SLC36A3: variants seen among roughly 807,000 people sequenced by gnomAD.
SLC36A3 encodes proton-coupled amino acid transporter 3.
SLC36A3 carries 35 observed loss-of-function variants against 44.3 expected under a neutral mutation model. The observed-to-expected ratio is 0.79, with a 90% CI of 0.60 to 1.05. SLC36A3 has a LOEUF of 1.05. SLC36A3 is among the 50% of genes least tolerant of loss of function. The pLI, the probability that SLC36A3 is intolerant of heterozygous loss-of-function variation, is 0.00. For missense variants in SLC36A3, 540 were observed against 578.7 expected (o/e 0.93, Z 0.69); for synonymous variants, 211 against 227.6 (o/e 0.93, Z 0.66).
At chr5:151,296,329 C>T (rs1308398206) in intron 2 of SLC36A3, 61 bp from the exon 3 acceptor site, 4 of 1,425,434 alleles carry the variant, frequency 2.8e-6, no homozygotes, top group Non-Finnish European at 3.9e-6. Context: ...TTCCCTGGCC[C>T]TCTCACAGTC....
chr5:151,296,240 C>T lies in SLC36A3; in HGVS notation c.248G>A (p.Gly83Glu), dbSNP rs72794183. ...GACCATGCAGTGCACGGTGAGGACCCCGATGGCCAGAAGGCTGACAGGACC... is the reference window on the plus strand; with the variant it reads ...GACCATGCAGTGCACGGTGAGGACCTCGATGGCCAGAAGGCTGACAGGACC... The part of the protein sequence containing the change: ...LVGPVSLLAI[G>E]VLTVHCMVIL... The change falls in exon 3 of 10, where the codon GGG (glycine) becomes GAG (glutamate). Residue 83 changes from glycine (G) to glutamate (E), a missense_variant. By Grantham distance (98) the Gly-to-Glu change is moderately conservative (BLOSUM62 -2). Coordinates refer to ENST00000335230, the MANE Select transcript of SLC36A3 (RefSeq NM_181774.4). 11,646 of 1,614,084 alleles carry T rather than the reference C, an allele frequency of 7.2e-3. 66 individuals carry two copies. Among genetic ancestry groups the T allele is most frequent in the Non-Finnish European group, 9.2e-3 (10,892 of 1,180,002 alleles).
chr5:151,296,224 G>C lies in SLC36A3; in HGVS notation c.264C>G (p.His88Gln). Residue 88 changes from histidine to glutamine, a missense_variant, in exon 3 of 10, where the codon CAC (histidine) becomes CAG (glutamine). Physicochemically the swap from His to Gln is conservative, Grantham distance 24 (BLOSUM62 0). Transcript: ENST00000335230. ...CACAGTTCAACAGGATGACCATGCA[G>C]TGCACGGTGAGGACCCCGATGGCCA... is the stretch of plus-strand genomic sequence containing the variant. ...SLLAIGVLTV[H>Q]CMVILLNCAQ... is the part of the protein sequence containing the mutation. 2 of 1,614,200 alleles carry C rather than the reference G, an allele frequency of 1.2e-6. No individual in the cohort carries two copies. Among genetic ancestry groups the C allele is most frequent in the Non-Finnish European group, 1.7e-6 (2 of 1,180,028 alleles).
In SLC36A3 at chr5:151,287,409, G is replaced by A. The variant is rs765169229; in HGVS notation, c.545C>T (p.Thr182Met). The change falls in exon 6 of 10, where the codon ACG becomes ATG. Residue 182 changes from threonine to methionine, a missense_variant. By Grantham distance (81) the Thr-to-Met change is moderately conservative. Coordinates refer to ENST00000335230, the MANE Select transcript of SLC36A3 (RefSeq NM_181774.4). ...SNICQPREIL[T>M]LTPILDIRFY... The stretch of plus-strand genomic sequence containing the variant: ...ACGAATGTCCAGGATGGGGGTCAGC[G>A]TCAGAATCTCCCTGGGCTGGCAGAT... 35 of 1,613,908 alleles carry A rather than the reference G, an allele frequency of 2.2e-5. No homozygotes were observed. The highest frequency in any genetic ancestry group is 1.6e-4 in the Middle Eastern group (1 of 6,082).
At position 151,287,288 on chromosome 5, in the gene SLC36A3, G is replaced by T; in HGVS notation, c.666C>A (p.Thr222=). The change falls in exon 6 of 10, where the codon ACC becomes ACA. Residue 222 remains threonine (T), a synonymous_variant. Coordinates refer to ENST00000335230, the MANE Select transcript of SLC36A3 (RefSeq NM_181774.4). ...AGATCAGAGCCATGCTCCCAAGGGT[G>T]GTGATGTTGGCCAATGTCGAGAAGA... ...LSVFSTLANI[T]TLGSMALIFE... The T allele has an allele frequency of 6.2e-7, 1 of 1,614,168 alleles. No homozygotes were observed. The highest frequency in any genetic ancestry group is 8.5e-7 in the Non-Finnish European group (1 of 1,180,034).
chr5:151,292,891 G>A (rs1323745415), intron 4 of SLC36A3, among the ~76,000 whole-genome samples: 2 of 152,202 alleles, frequency 1.3e-5, no homozygotes, highest in African/African-American at 2.4e-5. Flanking sequence ...GGCTGAGGAA[G>A]GAGAGCTGCT....
At chr5:151,286,226 C>T (rs1276029822) in intron 6 of SLC36A3, among the ~76,000 whole-genome samples, 10 of 152,180 alleles carry the variant, frequency 6.6e-5, no homozygotes, top group Non-Finnish European at 1.2e-4. Flanking sequence ...GTTCCAGGAC[C>T]TCCCGTGGAT....
chr5:151,282,216 A>G (rs1472401349), intron 8 of SLC36A3, among the ~76,000 whole-genome samples: 1 of 146,912 alleles, frequency 6.8e-6, no homozygotes, highest in Non-Finnish European at 1.5e-5. Flanking sequence ...AAGGCTGAGA[A>G]GCGATGCAAC....
rs1193464374 is a variant in SLC36A3, at chr5:151,276,749, A to C, written c.*644T>G. On this transcript the variant is annotated 3_prime_UTR_variant, in exon 10 of 10. Transcript: ENST00000335230. ...ACTCCACCTCCTCACCAACACTAGC[A>C]TGGCCAGTTTTTGTGGTTGGTGGAT... 1 of 152,520 alleles carries C rather than the reference A, an allele frequency of 6.6e-6. No individual in the cohort carries two copies. The highest frequency in any genetic ancestry group is 2.1e-4 in the South Asian group (1 of 4,840). The allele number at this position is 152,520 out of a possible 1,614,324, so 9.4% of individuals were successfully genotyped here.
At chr5:151,288,153 A>G (rs1046494787) in intron 5 of SLC36A3, among the ~76,000 whole-genome samples, 2 of 152,216 alleles carry the variant, frequency 1.3e-5, no homozygotes, top group African/African-American at 2.4e-5. Context: ...CTGACTGGAC[A>G]TGATTGCAGG....
intron 4 of SLC36A3, among the ~76,000 whole-genome samples, chr5:151,290,910 G>A (rs1347512440): frequency 6.6e-6 from 1 of 151,814 alleles, no homozygotes; most frequent in African/African-American, 2.4e-5. Context: ...AATTCAGTAT[G>A]TAGCTGTAAT....
intron 3 of SLC36A3, 117 bp downstream of exon 3, chr5:151,296,063 T>C (rs1201091744): frequency 1.1e-5 from 10 of 894,020 alleles, no homozygotes; most frequent in African/African-American, 1.7e-5. Flanking sequence ...AGAATCCAGA[T>C]TGGTAGGAAG....
chr5:151,287,715 A>C (rs571207645), intron 5 of SLC36A3, among the ~76,000 whole-genome samples: 1 of 152,188 alleles, frequency 6.6e-6, no homozygotes. Flanking sequence ...AAACCCTTAG[A>C]ATCATAAAAT....
At chr5:151,298,317 G>A (rs1375953820) in intron 2 of SLC36A3, 3 of 331,938 alleles carry the variant, frequency 9.0e-6, no homozygotes, top group African/African-American at 3.3e-5. Flanking sequence ...GAAATGAGCT[G>A]CATGTGATCC....
Position 151,287,435 on chromosome 5 carries a change from G to T in SLC36A3, c.519C>A (p.Asn173Lys), listed in dbSNP as rs751201856. 4 of 1,614,080 alleles carry T rather than the reference G, an allele frequency of 2.5e-6. No individual in the cohort carries two copies. The African/African-American group carries it at 4.0e-5, about 16-fold the overall frequency. Residue 173 changes from asparagine (N) to lysine (K), a missense_variant, in exon 6 of 10, where the codon AAC (asparagine) becomes AAA (lysine). Transcript: ENST00000335230. The stretch of plus-strand genomic sequence containing the variant: ...TCAGAATCTCCCTGGGCTGGCAGAT[G>T]TTGGAGGTCACGTGGGCTTTTTCCA... ...QMVEKAHVTS[N>K]ICQPREILTL...
At chr5:151,302,997 G>T (rs1755216397) in intron 1 of SLC36A3, among the ~76,000 whole-genome samples, 1 of 152,194 alleles carries the variant, frequency 6.6e-6, no homozygotes, top group Admixed American at 6.5e-5. Flanking sequence ...AGCTGCTCAT[G>T]TTGAGGGTGG....
chr5:151,300,586 G>C (rs1244885618), intron 1 of SLC36A3, among the ~76,000 whole-genome samples: 2 of 151,900 alleles, frequency 1.3e-5, no homozygotes, highest in Non-Finnish European at 2.9e-5. Flanking sequence ...TGACAGCATC[G>C]ATGTCTTGCC....
intron 2 of SLC36A3, chr5:151,298,333 G>A (rs1254273191): frequency 2.4e-6 from 1 of 424,642 alleles, no homozygotes; most frequent in East Asian, 4.2e-5. Context: ...GATCCTAGGA[G>A]TGGGGAGGAC....
chr5:151,283,645 A>G (rs538593872), intron 8 of SLC36A3, among the ~76,000 whole-genome samples: 1 of 152,348 alleles, frequency 6.6e-6, no homozygotes, highest in South Asian at 2.1e-4. Flanking sequence ...ATGCACCATC[A>G]TCCTACTCAC....
chr5:151,290,314 T>G (rs533832762), intron 4 of SLC36A3, among the ~76,000 whole-genome samples: 15 of 152,334 alleles, frequency 9.8e-5, no homozygotes, highest in African/African-American at 3.1e-4. Flanking sequence ...GGTTCTCATA[T>G]CATCCTATTG....
Sources: allele counts gnomAD v4.1 joint callset (sites outside exome capture counted in the v4.1 genomes callset), GRCh38; gene constraint gnomAD v4.1.1; transcripts MANE v1.5; gene names NCBI Gene and HGNC (gene_info 2026-07-23, HGNC 2026-07-21).